Variants in SHISA6 observed in about 807,000 individuals in gnomAD.
SHISA6 encodes shisa family member 6.
Under a neutral mutation model 47.9 loss-of-function variants are expected in SHISA6, and 22 were observed. The ratio of observed to expected loss-of-function variants is 0.46; its 90% CI spans 0.33 to 0.66. The LOEUF is 0.66. Ranked by LOEUF, SHISA6 falls within the 30% of genes least tolerant of loss-of-function variation. The pLI is 0.02. For missense variants in SHISA6, 680 were observed against 764.6 expected (o/e 0.89, Z 1.30); for synonymous variants, 388 against 337.8 (o/e 1.15, Z -1.63).
intron 2 of SHISA6, among the ~76,000 whole-genome samples, chr17:11,264,635 T>C (rs1382493122): frequency 1.3e-5 from 2 of 152,152 alleles, no homozygotes; most frequent in Non-Finnish European, 2.9e-5. Flanking sequence ...TGCTCAACAG[T>C]TTTCAGAGGA....
Position 11,314,471 on chromosome 17 carries a change from A to G in SHISA6, c.799+50945A>G, listed in dbSNP as rs544179180. Among the ~76,000 whole-genome samples the G allele has an allele frequency of 2.0e-5, 3 of 151,324 alleles. No individual in the cohort carries two copies. In the East Asian group the frequency reaches 5.9e-4, roughly 30 times the overall value. On this transcript the variant is annotated intron_variant, in intron 2 of 5. Transcript: ENST00000441885. ...AAACTAAGATATATATTATATATAT[A>G]TTTGTGAATATATACATGTTCACTG...
chr17:11,387,929 C>T (rs968454155), intron 3 of SHISA6, among the ~76,000 whole-genome samples: 2 of 152,188 alleles, frequency 1.3e-5, no homozygotes, highest in African/African-American at 4.8e-5. Context: ...ACCACTCCCA[C>T]CAGCCCATTT....
chr17:11,350,593 CT>C (rs1381965360), intron 2 of SHISA6, among the ~76,000 whole-genome samples: 1 of 152,124 alleles, frequency 6.6e-6, no homozygotes, highest in African/African-American at 2.4e-5. Context: ...GTTCTATCCC[CT>C]CTTCCCTCAG....
chr17:11,558,631 C>T lies in SHISA6; in HGVS notation c.*327C>T, dbSNP rs571579529. 7 of 374,408 alleles carry T rather than the reference C, an allele frequency of 1.9e-5. No individual in the cohort carries two copies. Among genetic ancestry groups the T allele is most frequent in the South Asian group, 3.6e-5 (1 of 27,612 alleles). 23.2% of individuals were successfully genotyped at this position (374,408 alleles called of 1,614,324 possible). A position where few individuals can be genotyped will look rare whatever the true frequency, so the allele number is the denominator to read the frequency against. Reference sequence around the variant, plus strand: ...CGTCCCGCGCCTCCTTCTCCCCATCCGGGGGACTCAGCTGCAGGTTCTGTC... The same window carrying T: ...CGTCCCGCGCCTCCTTCTCCCCATCTGGGGGACTCAGCTGCAGGTTCTGTC... On this transcript the variant is annotated 3_prime_UTR_variant, in exon 6 of 6. Transcript: ENST00000441885.
intron 3 of SHISA6, among the ~76,000 whole-genome samples, chr17:11,542,506 C>T (rs1308077027): frequency 2.6e-5 from 4 of 152,048 alleles, no homozygotes; most frequent in Non-Finnish European, 4.4e-5. Context: ...AGGAAACAGA[C>T]ATTAGGACAT....
At chr17:11,444,244 G>A (rs11655111) in intron 3 of SHISA6, among the ~76,000 whole-genome samples, 19,123 of 152,128 alleles carry the variant, frequency 0.13, 1,364 homozygotes, top group Admixed American at 0.16. Context: ...ACTTGAGCCC[G>A]GGAGGTAGAG....
At chr17:11,345,550 A>C (rs1319696301) in intron 2 of SHISA6, among the ~76,000 whole-genome samples, 1 of 152,182 alleles carries the variant, frequency 6.6e-6, no homozygotes, top group East Asian at 1.9e-4. Context: ...TAGTAGCTGT[A>C]AATCAATTTG....
At chr17:11,437,433 A>G (rs1914970964) in intron 3 of SHISA6, among the ~76,000 whole-genome samples, 1 of 152,220 alleles carries the variant, frequency 6.6e-6, no homozygotes. Flanking sequence ...AGTGTCTGAA[A>G]TCAGAAGTGG....
chr17:11,549,978 C>G (rs2071916229), intron 3 of SHISA6, among the ~76,000 whole-genome samples: 1 of 152,178 alleles, frequency 6.6e-6, no homozygotes. Flanking sequence ...CCTAATCTGT[C>G]TTGCGAAGGG....
chr17:11,368,539 C>T (rs62061019), intron 2 of SHISA6, among the ~76,000 whole-genome samples: 1 of 152,152 alleles, frequency 6.6e-6, no homozygotes, highest in African/African-American at 2.4e-5. Flanking sequence ...GAGTTTTGCT[C>T]TTCTAGTAGT....
intron 2 of SHISA6, among the ~76,000 whole-genome samples, chr17:11,308,329 C>T (rs1300411211): frequency 6.6e-6 from 1 of 152,178 alleles, no homozygotes; most frequent in African/African-American, 2.4e-5. Context: ...CAGGGTGATC[C>T]CAGCTCCCTA....
intron 2 of SHISA6, among the ~76,000 whole-genome samples, chr17:11,291,539 CAGG>C (rs955876042): frequency 1.7e-4 from 26 of 152,202 alleles, no homozygotes; most frequent in Admixed American, 3.9e-4. Context: ...GAGGCTGAGG[CAGG>C]AGAATTACTT....
chr17:11,318,210 C>T (rs536905242), intron 2 of SHISA6, among the ~76,000 whole-genome samples: 18 of 152,300 alleles, frequency 1.2e-4, no homozygotes, highest in African/African-American at 4.3e-4. Flanking sequence ...ACTTTGAAAT[C>T]ATCGTTCCAT....
At chr17:11,295,234 G>A (rs1909706786) in intron 2 of SHISA6, among the ~76,000 whole-genome samples, 1 of 152,096 alleles carries the variant, frequency 6.6e-6, no homozygotes, top group African/African-American at 2.4e-5. Context: ...AGATAATAGG[G>A]GACTACCATA....
chr17:11,284,698 C>T (rs1909235842), intron 2 of SHISA6, among the ~76,000 whole-genome samples: 1 of 152,136 alleles, frequency 6.6e-6, no homozygotes, highest in Admixed American at 6.5e-5. Context: ...ATTCAGATGT[C>T]CCTTGGAATT....
At chr17:11,271,601 C>CTTTTTTTTT (rs770845288) in intron 2 of SHISA6, among the ~76,000 whole-genome samples, 7 of 99,688 alleles carry the variant, frequency 7.0e-5, no homozygotes, top group African/African-American at 2.2e-4. Flanking sequence ...CCACGCCTGG[C>CTTTTTTTTT]TTTTTTTTTT....
At chr17:11,532,082 GATA>G (rs376871571) in intron 3 of SHISA6, among the ~76,000 whole-genome samples, 369 of 152,330 alleles carry the variant, frequency 2.4e-3, no homozygotes, top group African/African-American at 8.5e-3. Flanking sequence ...GATGACAGAA[GATA>G]ATGATGTAGA....
At chr17:11,330,759 G>A (rs205032) in intron 2 of SHISA6, among the ~76,000 whole-genome samples, 4,368 of 151,770 alleles carry the variant, frequency 0.029, 87 homozygotes, top group Middle Eastern at 0.088. Flanking sequence ...GTATCTAGAT[G>A]TTTAAGGTAA....
At chr17:11,494,418 T>G (rs2071391346) in intron 3 of SHISA6, among the ~76,000 whole-genome samples, 1 of 152,132 alleles carries the variant, frequency 6.6e-6, no homozygotes, top group South Asian at 2.1e-4. Context: ...TGCTCAGAGG[T>G]GTAATGTGCT....
Sources: gnomAD v4.1 joint callset for allele counts (sites outside exome capture counted in the v4.1 genomes callset) on GRCh38, gnomAD v4.1.1 for gene constraint, MANE v1.5 for transcripts, NCBI Gene and HGNC (gene_info 2026-07-23, HGNC 2026-07-21) for gene names.